The following CT47C1 variants were observed in gnomAD, a reference collection of about 807,000 sequenced individuals.
CT47C1 encodes cancer/testis antigen family 47 member C1.
the CT47C1 span, among the ~76,000 whole-genome samples, chrX:119,075,722 TTC>T: frequency 2.8e-5 from 3 of 107,637 alleles, no homozygotes; most frequent in East Asian, 5.5e-4. Context: ...TTAACATTTT[TTC>T]TTTTTTCTTT....
At chrX:119,076,433 C>T in the CT47C1 span, 2 of 112,321 alleles carry the variant, frequency 1.8e-5, no homozygotes, top group Non-Finnish European at 3.8e-5. Flanking sequence ...TCTCTTTTAC[C>T]TCTTTGTTTT....
At chrX:119,073,735 G>A in the CT47C1 span, 9 of 768,919 alleles carry the variant, frequency 1.2e-5, no homozygotes, top group South Asian at 2.2e-4. Flanking sequence ...AAGAGCCCCG[G>A]CTGTTGCTGG....
the CT47C1 span, chrX:119,073,177 T>C: frequency 4.3e-6 from 2 of 460,617 alleles, no homozygotes; most frequent in Non-Finnish European, 7.6e-6. Context: ...GTCTTCACCG[T>C]TGTCACCTCA....
the CT47C1 span, chrX:119,074,015 G>C: frequency 1.6e-6 from 1 of 615,496 alleles, no homozygotes; most frequent in African/African-American, 2.2e-5. Context: ...GGCCAAAGAG[G>C]AACCGGCTGC....
the CT47C1 span, chrX:119,073,873 A>G: frequency 1.4e-5 from 12 of 861,167 alleles, 1 homozygote; most frequent in Non-Finnish European, 1.5e-5. Flanking sequence ...GGGAGCCTGC[A>G]GAAGAGCCCG....
chrX:119,073,696 G>C, the CT47C1 span: 1 of 656,629 alleles, frequency 1.5e-6, no homozygotes, highest in Non-Finnish European at 2.3e-6. Flanking sequence ...TGATGCGGAG[G>C]CGCCGCACTG....
the CT47C1 span, chrX:119,074,992 G>A: frequency 9.4e-7 from 1 of 1,063,370 alleles, no homozygotes; most frequent in South Asian, 1.8e-5. Flanking sequence ...AAAGTGGGAT[G>A]AAGAGGCCCA....
chrX:119,074,893 G>A, the CT47C1 span: 1 of 961,279 alleles, frequency 1.0e-6, no homozygotes, highest in Non-Finnish European at 1.5e-6. Flanking sequence ...TGCCGCTGCT[G>A]GTTATAAATT....
chrX:119,075,157 T>C, the CT47C1 span: 2 of 1,043,782 alleles, frequency 1.9e-6, no homozygotes, highest in Non-Finnish European at 2.6e-6. Flanking sequence ...TTCCTGGCAT[T>C]TACCTGTTGC....
the CT47C1 span, among the ~76,000 whole-genome samples, chrX:119,075,625 A>G: frequency 1.8e-5 from 2 of 112,221 alleles, no homozygotes; most frequent in Non-Finnish European, 3.8e-5. Context: ...TTGTTTAGCT[A>G]TATATCTTTG....
At chrX:119,076,400 A>T in the CT47C1 span, 1 of 112,731 alleles carries the variant, frequency 8.9e-6, no homozygotes, top group Non-Finnish European at 1.9e-5. Context: ...GAGATTTTTC[A>T]ATAAATAATT....
At chrX:119,074,173 A>G in the CT47C1 span, 2 of 410,201 alleles carry the variant, frequency 4.9e-6, no homozygotes, top group Non-Finnish European at 8.4e-6. Context: ...CTGGTGAAGC[A>G]GGTGGTGAAG....
the CT47C1 span, chrX:119,073,917 C>T: frequency 1.5e-5 from 12 of 825,827 alleles, no homozygotes; most frequent in South Asian, 4.1e-5. Flanking sequence ...ACAGAGGAGG[C>T]CGCAGAAGAG....
the CT47C1 span, chrX:119,073,830 C>T: frequency 3.4e-6 from 3 of 880,030 alleles, no homozygotes; most frequent in Non-Finnish European, 1.7e-6. Context: ...GTCCCAGAGC[C>T]TGAGGTGCCA....
the CT47C1 span, among the ~76,000 whole-genome samples, chrX:119,075,997 C>G: frequency 8.9e-5 from 10 of 112,478 alleles, no homozygotes; most frequent in African/African-American, 3.2e-4. Context: ...ACCCTGATAT[C>G]CAAGCTTGCG....
At chrX:119,076,146 C>T in the CT47C1 span, 1 of 112,606 alleles carries the variant, frequency 8.9e-6, no homozygotes, top group East Asian at 2.8e-4. Flanking sequence ...TTATTTTTTT[C>T]TCATTTCATT....
the CT47C1 span, chrX:119,076,169 A>C: frequency 8.9e-6 from 1 of 112,824 alleles, no homozygotes; most frequent in African/African-American, 3.2e-5. Context: ...GTAGTTGGGA[A>C]GAATAGAAAG....
chrX:119,073,783 G>A, the CT47C1 span: 1 of 846,856 alleles, frequency 1.2e-6, no homozygotes, highest in South Asian at 2.1e-5. Context: ...CGGGTCCTGA[G>A]GGCGAGGGCC....
chrX:119,073,966 C>T, the CT47C1 span: 130 of 748,442 alleles, frequency 1.7e-4, no homozygotes, highest in Non-Finnish European at 2.4e-4. Flanking sequence ...CAGAGGAGGC[C>T]GCAGAGGAGG....
Sources: allele counts gnomAD v4.1 joint callset (sites outside exome capture counted in the v4.1 genomes callset), GRCh38; gene constraint gnomAD v4.1.1; transcripts MANE v1.5; gene names NCBI Gene and HGNC (gene_info 2026-07-23, HGNC 2026-07-21).